LCT: variants seen among roughly 807,000 people sequenced by gnomAD.
LCT encodes lactase.
A neutral mutation model predicts 173.0 loss-of-function variants in LCT; 90 were observed. The ratio of observed to expected loss-of-function variants is 0.52; its 90% CI spans 0.44 to 0.62. The LOEUF (loss-of-function observed/expected upper bound fraction) is 0.62, where lower values mean the gene tolerates loss of function less well. LCT is among the 20% of genes least tolerant of loss of function. The pLI, the probability that LCT is intolerant of heterozygous loss-of-function variation, is 0.00. For synonymous variants in LCT, 853 were observed against 957.6 expected (o/e 0.89, Z 2.02); for missense variants, 1,864 against 2,431.4 (o/e 0.77, Z 4.91).
intron 11 of LCT, among the ~76,000 whole-genome samples, chr2:135,802,876 C>T (rs1180452929): frequency 6.6e-6 from 1 of 152,168 alleles, no homozygotes; most frequent in Non-Finnish European, 1.5e-5. Context: ...CTTTGGGAGG[C>T]TGAGGCGGGC....
Position 135,818,026 on chromosome 2 carries a change from T to C in LCT, c.1022A>G (p.Gln341Arg). ...CTCGTGGTCCTGCTGCTGGTCAGGC[T>C]GAAGGGCCAGGCTGCCAGTCAGAGA... ...SCSLTGSLALQPDQQQDHETT... is the reference protein window; with the variant it reads ...SCSLTGSLALRPDQQQDHETT... The change falls in exon 6 of 17, where the codon CAG becomes CGG. Residue 341 changes from glutamine to arginine, a missense_variant. Around this residue, in one of 4 missense-constraint regions of LCT, gnomAD observed 412 missense variants for 462.0 expected, o/e 0.89. Coordinates refer to ENST00000264162, the MANE Select transcript of LCT (RefSeq NM_002299.4). 6.2e-7 allele frequency: 1 copy of C among 1,613,356 alleles called. No individual in the cohort carries two copies. The highest frequency in any genetic ancestry group is 8.5e-7 in the Non-Finnish European group (1 of 1,180,006).
chr2:135,819,740 G>A (rs79840863), intron 5 of LCT, among the ~76,000 whole-genome samples: 1,925 of 152,298 alleles, frequency 0.013, 43 homozygotes, highest in African/African-American at 0.044. Flanking sequence ...GATCGCAGCT[G>A]GGGATGTGTC....
At chr2:135,800,846 T>C in intron 11 of LCT, 37 bp from the exon 12 acceptor site, 1 of 1,504,310 alleles carries the variant, frequency 6.6e-7, no homozygotes, top group Non-Finnish European at 9.3e-7. Context: ...AGAGAATGGA[T>C]AGAATGGATG....
At chr2:135,794,369 G>T in intron 14 of LCT, 1 of 408,348 alleles carries the variant, frequency 2.4e-6, no homozygotes, top group East Asian at 4.2e-5. Flanking sequence ...GAAAAAGAAC[G>T]CAAAATAAAT....
rs1031972865 is a variant in LCT at position 135,798,613 on chromosome 2, A to G, written c.4867-475T>C. 1.3e-5 allele frequency among the ~76,000 whole-genome samples: 2 copies of G among 152,258 alleles called. 1 individual carries two copies. The highest frequency in any genetic ancestry group is 2.9e-5 in the Non-Finnish European group (2 of 68,042). On this transcript the variant is annotated intron_variant, in intron 12 of 16. Coordinates refer to ENST00000264162, the MANE Select transcript of LCT (RefSeq NM_002299.4). ...GCTTTCCTGACTTTCCGGGCAAAGT[A>G]TAACTCTTAATGGGCTTTCACAGCC...
intron 13 of LCT, among the ~76,000 whole-genome samples, chr2:135,797,463 G>A (rs1039258611): frequency 1.3e-5 from 2 of 152,148 alleles, no homozygotes; most frequent in Admixed American, 6.5e-5. Context: ...CCTGGGGGCC[G>A]ACAGCTTGGC....
intron 4 of LCT, among the ~76,000 whole-genome samples, chr2:135,823,398 A>G (rs919630449): frequency 6.6e-6 from 1 of 152,162 alleles, no homozygotes; most frequent in African/African-American, 2.4e-5. Context: ...GAACTAAGAG[A>G]CACTAGGAAG....
intron 11 of LCT, among the ~76,000 whole-genome samples, chr2:135,802,169 G>A (rs185064811): frequency 8.0e-4 from 122 of 152,320 alleles, no homozygotes; most frequent in African/African-American, 1.2e-3. Context: ...CTCTGATAAC[G>A]ATTTGAGGCA....
Position 135,809,858 on chromosome 2 carries a change from G to A in LCT, c.2489C>T (p.Thr830Ile). The change falls in exon 8 of 17, where the codon ACT (threonine) becomes ATT (isoleucine). Residue 830 changes from threonine to isoleucine, a missense_variant. By Grantham distance (89) the Thr-to-Ile change is moderately conservative. Transcript: ENST00000264162. The surrounding 1 kb of genome is among the most constrained non-coding windows in gnomAD (Gnocchi z 5.5). Reference protein sequence around the residue: ...VNFSDSSKSRTPRKSAYFFTS... With the variant: ...VNFSDSSKSRIPRKSAYFFTS... ...GAAAAAGTAGGCAGATTTCCTGGGA[G>A]TCCTTGACTTGCTGCTGTCGCTGAA... 1 of 1,614,200 alleles carries A rather than the reference G, an allele frequency of 6.2e-7. No homozygotes were observed. Among genetic ancestry groups the A allele is most frequent in the Non-Finnish European group, 8.5e-7 (1 of 1,180,030 alleles).
In LCT at chr2:135,809,970, C is replaced by T; in HGVS notation, c.2377G>A (p.Val793Ile). The part of the protein sequence containing the change: ...LKAIKEDSVD[V>I]RSYIARSLID... ...AGGGAACGAGCAATGTAGGAACGAACATCCACAGAGTCTTCCTTGATAGCT... is the reference window on the plus strand; with the variant it reads ...AGGGAACGAGCAATGTAGGAACGAATATCCACAGAGTCTTCCTTGATAGCT... Residue 793 changes from valine (V) to isoleucine (I), a missense_variant, in exon 8 of 17, where the codon GTT (valine) becomes ATT (isoleucine). By Grantham distance (29) the Val-to-Ile change is conservative. Coordinates refer to ENST00000264162, the MANE Select transcript of LCT (RefSeq NM_002299.4). This position sits in a 1 kb window ranked among gnomAD's most constrained non-coding sequence, Gnocchi z 5.5. 1 of 1,612,524 alleles carries T rather than the reference C, an allele frequency of 6.2e-7. No homozygotes were observed. The highest frequency in any genetic ancestry group is 8.5e-7 in the Non-Finnish European group (1 of 1,178,622).
chr2:135,796,498 A>T (rs2077583782), intron 13 of LCT, among the ~76,000 whole-genome samples: 1 of 152,086 alleles, frequency 6.6e-6, no homozygotes, highest in Non-Finnish European at 1.5e-5. Context: ...ACCCCCACTC[A>T]TTCTTACCTC....
In LCT at chr2:135,808,692, G is replaced by C. The variant is rs138785223; in HGVS notation, c.3655C>G (p.Pro1219Ala). ...YYSRIVQHKT[P>A]RLNPPSYEDD... Reference sequence around the variant, plus strand: ...TCGTAGGAGGGTGGGTTTAGCCTGGGTGTTTTGTGCTGCACGATTCTGGAG... The same window carrying C: ...TCGTAGGAGGGTGGGTTTAGCCTGGCTGTTTTGTGCTGCACGATTCTGGAG... Residue 1219 changes from proline (P) to alanine (A), a missense_variant, in exon 8 of 17, where the codon CCC (proline) becomes GCC (alanine). Pro to Ala is a conservative substitution (Grantham distance 27). Coordinates refer to ENST00000264162, the MANE Select transcript of LCT (RefSeq NM_002299.4). 2.5e-6 allele frequency: 4 copies of C among 1,614,084 alleles called. No homozygotes were observed. In the African/African-American group the frequency reaches 5.3e-5, roughly 22 times the overall value.
At position 135,809,437 on chromosome 2, in the gene LCT, C is replaced by T. The variant is rs372936457; in HGVS notation, c.2910G>A (p.Lys970=). 21 of 1,614,114 alleles carry T rather than the reference C, an allele frequency of 1.3e-5. No homozygotes were observed. The highest frequency in any genetic ancestry group is 1.7e-5 in the Non-Finnish European group (20 of 1,180,060). ...DADLNMLRAL[K]VKAYRFSISW... ...AGATAGAGAAGCGGTAGGCCTTCAC[C>T]TTCAAAGCTCGGAGCATATTCAGAT... Residue 970 remains lysine (K), a synonymous_variant, in exon 8 of 17, where the codon AAG becomes AAA. Coordinates refer to ENST00000264162, the MANE Select transcript of LCT (RefSeq NM_002299.4). The surrounding 1 kb of genome is among the most constrained non-coding windows in gnomAD (Gnocchi z 5.5).
Position 135,807,269 on chromosome 2 carries a change from C to T in LCT, c.4032G>A (p.Arg1344=), listed in dbSNP as rs1301177116. ...TGGCGGAGGCTCTTGCTGTGCGAGG[C>T]CTGTTCGTGTTGTTGAAATCAACAT... is the stretch of plus-strand genomic sequence containing the variant. ...LYHVDFNNTN[R]PRTARASARY... Residue 1344 remains arginine, a synonymous_variant, in exon 9 of 17, where the codon AGG becomes AGA. Transcript: ENST00000264162. The T allele has an allele frequency of 3.1e-6, 5 of 1,614,090 alleles. No homozygotes were observed. The highest frequency in any genetic ancestry group is 3.4e-6 in the Non-Finnish European group (4 of 1,180,048).
chr2:135,825,041 T>C (rs2077874261), intron 3 of LCT, among the ~76,000 whole-genome samples: 1 of 151,994 alleles, frequency 6.6e-6, no homozygotes, highest in African/African-American at 2.4e-5. Context: ...CTGTTATCAT[T>C]AAAATGGAAG....
At chr2:135,827,071 C>T (rs1215495459) in intron 3 of LCT, among the ~76,000 whole-genome samples, 1 of 152,126 alleles carries the variant, frequency 6.6e-6, no homozygotes, top group Non-Finnish European at 1.5e-5. Context: ...CTCCACCTCC[C>T]GGGTTCAAGC....
intron 7 of LCT, among the ~76,000 whole-genome samples, chr2:135,810,756 G>C (rs1236217974): frequency 6.6e-6 from 1 of 151,752 alleles, no homozygotes; most frequent in Non-Finnish European, 1.5e-5. Context: ...GCCAGGCGTG[G>C]TGGCTCACGC....
Position 135,837,007 on chromosome 2 carries a change from C to T in LCT, c.163G>A (p.Val55Ile). The T allele has an allele frequency of 6.2e-7, 1 of 1,614,018 alleles. No homozygotes were observed. Among genetic ancestry groups the T allele is most frequent in the Non-Finnish European group, 8.5e-7 (1 of 1,180,002 alleles). ...GLLGDQSSNF[V>I]AGDKDMYVCH... Reference sequence around the variant, plus strand: ...ACATACATGTCTTTGTCCCCTGCTACAAAGTTAGAACTCTGGTCTCCCAGG... The same window carrying T: ...ACATACATGTCTTTGTCCCCTGCTATAAAGTTAGAACTCTGGTCTCCCAGG... The change falls in exon 1 of 17, where the codon GTA (valine) becomes ATA (isoleucine). Residue 55 changes from valine to isoleucine, a missense_variant. Physicochemically the swap from Val to Ile is conservative, Grantham distance 29 (BLOSUM62 3). Transcript: ENST00000264162.
At chr2:135,804,594 T>A (rs1575336253) in intron 10 of LCT, among the ~76,000 whole-genome samples, 173 bp downstream of exon 10, 1 of 152,048 alleles carries the variant, frequency 6.6e-6, no homozygotes, top group Non-Finnish European at 1.5e-5. Context: ...AGAAACGAGA[T>A]CCGCCACTGC....
Sources: allele counts gnomAD v4.1 joint callset (sites outside exome capture counted in the v4.1 genomes callset), GRCh38; gene constraint gnomAD v4.1.1; regional missense constraint gnomAD v4.1.1; non-coding constraint Gnocchi (gnomAD v3.1); transcripts MANE v1.5; gene names NCBI Gene and HGNC (gene_info 2026-07-23, HGNC 2026-07-21).